Variants in SPOCK1 observed in about 807,000 individuals in gnomAD.
SPOCK1 encodes the protein testican-1.
SPOCK1 carries 23 observed loss-of-function variants against 55.3 expected under a neutral mutation model. The ratio of observed to expected loss-of-function variants is 0.42; its 90% CI spans 0.30 to 0.59. The LOEUF is 0.59. SPOCK1 is among the 20% of genes least tolerant of loss of function. SPOCK1 has a pLI of 0.22. For synonymous variants in SPOCK1, 226 were observed against 221.0 expected, an observed-to-expected ratio of 1.02 and a Z score of -0.20; for missense variants, 499 against 552.5, an observed-to-expected ratio of 0.90 and a Z score of 0.97.
intron 3 of SPOCK1, among the ~76,000 whole-genome samples, chr5:137,168,112 T>C (rs1754683980): frequency 6.6e-6 from 1 of 151,944 alleles, no homozygotes; most frequent in Non-Finnish European, 1.5e-5. Context: ...AGACATACAT[T>C]GGGGAAAAGA....
At chr5:137,086,206 A>G (rs1051924534) in intron 5 of SPOCK1, among the ~76,000 whole-genome samples, 10 of 152,078 alleles carry the variant, frequency 6.6e-5, no homozygotes, top group African/African-American at 2.4e-4. Context: ...CCCTCCCTGC[A>G]TCTCTCACTG....
intron 6 of SPOCK1, among the ~76,000 whole-genome samples, chr5:137,062,526 A>AATG (rs1383433722): frequency 2.4e-5 from 1 of 41,284 alleles, no homozygotes; most frequent in East Asian, 5.1e-4. Flanking sequence ...AAGCATTATA[A>AATG]ATAATAATAA....
chr5:137,311,806 A>G (rs1159272886), intron 2 of SPOCK1, among the ~76,000 whole-genome samples: 1 of 152,206 alleles, frequency 6.6e-6, no homozygotes, highest in Non-Finnish European at 1.5e-5. Context: ...TAATTATGAA[A>G]GAATAGGATA....
intron 2 of SPOCK1, among the ~76,000 whole-genome samples, chr5:137,434,880 T>C (rs1213751322): frequency 6.6e-6 from 1 of 152,214 alleles, no homozygotes; most frequent in Admixed American, 6.5e-5. Flanking sequence ...AATGAATTGT[T>C]TGCTTAAATA....
intron 5 of SPOCK1, among the ~76,000 whole-genome samples, chr5:137,087,665 T>C (rs946197145): frequency 2.6e-5 from 4 of 152,206 alleles, no homozygotes; most frequent in Admixed American, 1.3e-4. Context: ...GCCATGTGTG[T>C]CCCAGGGCAG....
chr5:137,035,227 C>G (rs1370551377), intron 6 of SPOCK1, among the ~76,000 whole-genome samples: 1 of 152,156 alleles, frequency 6.6e-6, no homozygotes, highest in Non-Finnish European at 1.5e-5. Flanking sequence ...AAGCAGGCAG[C>G]CAAGGAGCAC....
chr5:137,324,114 G>A (rs932106077), intron 2 of SPOCK1, among the ~76,000 whole-genome samples: 4 of 152,126 alleles, frequency 2.6e-5, no homozygotes, highest in Non-Finnish European at 4.4e-5. Flanking sequence ...AAGATGTGGT[G>A]TACAAATACA....
intron 3 of SPOCK1, among the ~76,000 whole-genome samples, chr5:137,169,813 T>C (rs762623969): frequency 1.1e-4 from 16 of 152,222 alleles, no homozygotes; most frequent in Non-Finnish European, 1.9e-4. Flanking sequence ...CCCCAGAGCA[T>C]GTGGCTAGGA....
chr5:137,241,069 G>A (rs6891828), intron 3 of SPOCK1, among the ~76,000 whole-genome samples: 1 of 152,044 alleles, frequency 6.6e-6, no homozygotes, highest in African/African-American at 2.4e-5. Context: ...AATTCCAAAT[G>A]GATAATGAGA....
At position 136,988,504 on chromosome 5, in the gene SPOCK1, C is replaced by A. The variant is rs1350987929; in HGVS notation, c.846G>T (p.Lys282Asn). 1.9e-6 allele frequency: 3 copies of A among 1,614,098 alleles called. No homozygotes were observed. The highest frequency in any genetic ancestry group is 1.7e-6 in the Non-Finnish European group (2 of 1,180,006). ...AGGAGTCACACGAGTTGAAAAGAGG[C>A]TTGATACAGGGCTCGTACTTATCCA... is the stretch of plus-strand genomic sequence containing the variant. ...IYLDKYEPCI[K>N]PLFNSCDSFK... Residue 282 changes from lysine (K) to asparagine (N), a missense_variant, in exon 8 of 11, where the codon AAG becomes AAT. Around this residue, in one of 3 missense-constraint regions of SPOCK1, gnomAD observed 386 missense variants for 400.6 expected, o/e 0.96. Transcript: ENST00000394945.
chr5:137,072,169 G>T (rs886800879), intron 5 of SPOCK1, among the ~76,000 whole-genome samples: 3 of 152,204 alleles, frequency 2.0e-5, no homozygotes, highest in Non-Finnish European at 2.9e-5. Context: ...TGGCCAAGTT[G>T]TATCAGTTGT....
intron 3 of SPOCK1, among the ~76,000 whole-genome samples, chr5:137,178,758 G>T (rs1430652520): frequency 2.6e-5 from 4 of 152,232 alleles, no homozygotes; most frequent in African/African-American, 4.8e-5. Flanking sequence ...GACTGCCAGT[G>T]ACCTGCATCT....
At chr5:137,115,805 G>T (rs1394666341) in intron 4 of SPOCK1, among the ~76,000 whole-genome samples, 2 of 152,106 alleles carry the variant, frequency 1.3e-5, no homozygotes, top group Non-Finnish European at 2.9e-5. Flanking sequence ...GTATATGTGA[G>T]CCCAGGGAAG....
At chr5:137,255,418 T>C (rs1043908010) in intron 3 of SPOCK1, among the ~76,000 whole-genome samples, 4 of 152,238 alleles carry the variant, frequency 2.6e-5, no homozygotes, top group African/African-American at 7.2e-5. Context: ...ACAACATACA[T>C]AGCATGGCTT....
At chr5:137,248,323 A>G (rs1756438251) in intron 3 of SPOCK1, among the ~76,000 whole-genome samples, 1 of 152,194 alleles carries the variant, frequency 6.6e-6, no homozygotes. Context: ...TATCAAATTC[A>G]TTCATTGATC....
intron 2 of SPOCK1, among the ~76,000 whole-genome samples, chr5:137,352,042 G>C (rs963687110): frequency 6.6e-6 from 1 of 152,204 alleles, no homozygotes; most frequent in Non-Finnish European, 1.5e-5. Context: ...GACAGGATAA[G>C]GTTGGAATCC....
chr5:137,392,097 T>G (rs960286519), intron 2 of SPOCK1, among the ~76,000 whole-genome samples: 2 of 152,170 alleles, frequency 1.3e-5, no homozygotes, highest in East Asian at 3.8e-4. Context: ...CTCTTCTCCT[T>G]TAGTCTAAAT....
At chr5:137,160,159 G>A (rs1754498017) in intron 3 of SPOCK1, among the ~76,000 whole-genome samples, 1 of 151,326 alleles carries the variant, frequency 6.6e-6, no homozygotes, top group African/African-American at 2.4e-5. Flanking sequence ...TCATTCTTAT[G>A]CCTTTGTGTC....
At chr5:137,035,281 G>A (rs1483541362) in intron 6 of SPOCK1, among the ~76,000 whole-genome samples, 3 of 152,170 alleles carry the variant, frequency 2.0e-5, no homozygotes, top group East Asian at 1.9e-4. Context: ...CAGCCCCTGC[G>A]GCTCCCCCAG....
Sources: allele counts gnomAD v4.1 joint callset (sites outside exome capture counted in the v4.1 genomes callset), GRCh38; gene constraint gnomAD v4.1.1; regional missense constraint gnomAD v4.1.1; transcripts MANE v1.5; gene names NCBI Gene and HGNC (gene_info 2026-07-23, HGNC 2026-07-21).